The following SLC2A13 variants were observed in gnomAD, a reference collection of about 807,000 sequenced individuals.
SLC2A13 encodes proton myo-inositol cotransporter.
A neutral mutation model predicts 64.4 loss-of-function variants in SLC2A13; 32 were observed. That is an observed-to-expected ratio of 0.50 (90% confidence interval 0.37 to 0.67). The LOEUF (loss-of-function observed/expected upper bound fraction) is 0.67, where lower values mean the gene tolerates loss of function less well. SLC2A13 is among the 30% of genes least tolerant of loss of function. The probability of loss-of-function intolerance (pLI) is 0.00; values close to 1 mark genes in which losing one functional copy is unlikely to be tolerated. For missense variants in SLC2A13, 743 were observed against 829.2 expected (o/e 0.90, Z 1.28); for synonymous variants, 338 against 327.1 (o/e 1.03, Z -0.36).
At chr12:39,877,061 C>T (rs937522311) in intron 4 of SLC2A13, among the ~76,000 whole-genome samples, 4 of 152,002 alleles carry the variant, frequency 2.6e-5, no homozygotes, top group African/African-American at 9.7e-5. Flanking sequence ...ATTTAGAATG[C>T]CATTACATTA....
chr12:39,895,351 T>A (rs10877743), intron 4 of SLC2A13, among the ~76,000 whole-genome samples: 5 of 150,746 alleles, frequency 3.3e-5, no homozygotes, highest in Admixed American at 1.3e-4. Context: ...TTAGCCGGGC[T>A]TGGTGGCAGG....
chr12:39,908,980 A>C (rs141107434), intron 4 of SLC2A13, among the ~76,000 whole-genome samples: 1,790 of 151,058 alleles, frequency 0.012, 22 homozygotes, highest in Middle Eastern at 0.027. Context: ...AAAATTAATA[A>C]GCATAAAGAA....
In SLC2A13 at chr12:39,755,332, T is replaced by C. The variant is rs759905921; in HGVS notation, c.*4694A>G. ...GACATCTGAAGTATTAAATACTATA[T>C]AACATGCACTCAGAAATTAAAATAT... On this transcript the variant is annotated 3_prime_UTR_variant, in exon 10 of 10. Coordinates refer to ENST00000280871, the MANE Select transcript of SLC2A13 (RefSeq NM_052885.4). 1 of 152,072 alleles carries C rather than the reference T, an allele frequency of 6.6e-6. No homozygotes were observed. The highest frequency in any genetic ancestry group is 2.4e-5 in the African/African-American group (1 of 41,436). 9.4% of individuals were successfully genotyped at this position (152,072 alleles called of 1,614,324 possible).
chr12:39,823,703 C>G (rs981305112), intron 7 of SLC2A13, among the ~76,000 whole-genome samples: 1 of 152,148 alleles, frequency 6.6e-6, no homozygotes, highest in Non-Finnish European at 1.5e-5. Flanking sequence ...CCTGCTTTCA[C>G]CTCTCGAGTA....
intron 6 of SLC2A13, among the ~76,000 whole-genome samples, chr12:39,834,555 A>AAACT (rs1283157757): frequency 2.0e-5 from 3 of 152,014 alleles, no homozygotes; most frequent in Non-Finnish European, 4.4e-5. Flanking sequence ...AAAGCATGAA[A>AAACT]AACTATTCCT....
At chr12:39,956,128 T>C (rs574884656) in intron 3 of SLC2A13, among the ~76,000 whole-genome samples, 4 of 152,296 alleles carry the variant, frequency 2.6e-5, no homozygotes, top group Admixed American at 1.3e-4. Context: ...GCATCTTCAA[T>C]GCAACAGACA....
rs1939284900 is a variant in SLC2A13 at position 40,105,620 on chromosome 12, G to T, written c.189C>A (p.Asp63Glu). ...ACTGCCGCCGCGCCGCGCGCTCCAG[G>T]TCCCCGACGCCGCCGCCGCCCGCGC... ...SAGAGGGGVG[D>E]LERAARRQFQ... The change falls in exon 1 of 10, where the codon GAC becomes GAA. Residue 63 changes from aspartate to glutamate, a missense_variant. Coordinates refer to ENST00000280871, the MANE Select transcript of SLC2A13 (RefSeq NM_052885.4). This position sits in a 1 kb window ranked among gnomAD's most constrained non-coding sequence, Gnocchi z 4.2. 2 of 1,498,410 alleles carry T rather than the reference G, an allele frequency of 1.3e-6. No individual in the cohort carries two copies. Among genetic ancestry groups the T allele is most frequent in the Admixed American group, 2.4e-5 (1 of 41,794 alleles). 92.8% of individuals were successfully genotyped at this position (1,498,410 alleles called of 1,614,324 possible).
At chr12:39,869,976 A>G (rs1000590559) in intron 5 of SLC2A13, among the ~76,000 whole-genome samples, 1 of 152,208 alleles carries the variant, frequency 6.6e-6, no homozygotes, top group Non-Finnish European at 1.5e-5. Context: ...CCATTCACAA[A>G]TGAGAAAATA....
Position 40,028,153 on chromosome 12 carries a change from A to T in SLC2A13, c.925+148T>A, listed in dbSNP as rs1947848367. ...CAATAATACATATATAATTTTATATATGGATATTTTTGTATAAATATAAAT... is the reference window on the plus strand; with the variant it reads ...CAATAATACATATATAATTTTATATTTGGATATTTTTGTATAAATATAAAT... On this transcript the variant is annotated intron_variant, in intron 3 of 9. Transcript: ENST00000280871. 1.3e-5 allele frequency: 5 copies of T among 393,172 alleles called. No homozygotes were observed. In the South Asian group the frequency reaches 5.5e-4, roughly 43 times the overall value. The allele number at this position is 393,172 out of a possible 1,614,324, so 24.4% of individuals were successfully genotyped here. A position where few individuals can be genotyped will look rare whatever the true frequency, so the allele number is the denominator to read the frequency against.
intron 1 of SLC2A13, among the ~76,000 whole-genome samples, chr12:40,089,355 G>A (rs1938687379): frequency 6.6e-6 from 1 of 152,162 alleles, no homozygotes; most frequent in South Asian, 2.1e-4. Flanking sequence ...AACATCTACT[G>A]AACTCTCATA....
chr12:40,036,230 AATTC>A (rs1947981795), intron 2 of SLC2A13, among the ~76,000 whole-genome samples: 1 of 152,206 alleles, frequency 6.6e-6, no homozygotes, highest in Non-Finnish European at 1.5e-5. Context: ...ATTAGAAAAA[AATTC>A]TGGCAGAAAC....
chr12:39,848,451 T>C (rs564336703), intron 6 of SLC2A13, among the ~76,000 whole-genome samples: 62 of 152,140 alleles, frequency 4.1e-4, no homozygotes, highest in Non-Finnish European at 6.5e-4. Context: ...ATTAGAGAAA[T>C]GCAAATCAAA....
At position 39,764,311 on chromosome 12, in the gene SLC2A13, G is replaced by A. The variant is rs560040166; in HGVS notation, c.1720+149C>T. The A allele has an allele frequency of 9.5e-4, 618 of 649,014 alleles. 7 individuals carry two copies. The highest frequency in any genetic ancestry group is 5.8e-3 in the Middle Eastern group (13 of 2,248). 40.2% of individuals were successfully genotyped at this position (649,014 alleles called of 1,614,324 possible). On this transcript the variant is annotated intron_variant, in intron 9 of 9. Transcript: ENST00000280871. ...TCTCTTCTTTCCCAGACACATTTCC[G>A]ATGCCTTTGGAGGACAAGAAAGCCA...
chr12:40,077,861 T>C lies in SLC2A13; in HGVS notation c.556+27392A>G, dbSNP rs1025811967. 3.3e-5 allele frequency among the ~76,000 whole-genome samples: 5 copies of C among 152,150 alleles called. No homozygotes were observed. The South Asian group carries it at 1.0e-3, about 32-fold the overall frequency. ...TGTGGTAATTCTCATTGCACAGATA[T>C]TTCACTTCCCTGTATAGCTGTATTC... On this transcript the variant is annotated intron_variant, in intron 1 of 9. Transcript: ENST00000280871.
At chr12:39,994,171 C>T (rs1041794992) in intron 3 of SLC2A13, among the ~76,000 whole-genome samples, 4 of 151,956 alleles carry the variant, frequency 2.6e-5, no homozygotes, top group Admixed American at 2.6e-4. Flanking sequence ...GGACGGATCA[C>T]GAGGTCAGGA....
intron 3 of SLC2A13, among the ~76,000 whole-genome samples, chr12:39,981,422 C>T (rs1946894061): frequency 6.6e-6 from 1 of 151,822 alleles, no homozygotes; most frequent in Non-Finnish European, 1.5e-5. Flanking sequence ...AATTGATAGA[C>T]CGCTAGCAAG....
intron 4 of SLC2A13, among the ~76,000 whole-genome samples, chr12:39,895,884 G>A (rs62647583): frequency 0.48 from 2,572 of 5,402 alleles, 1,024 homozygotes; most frequent in Middle Eastern, 0.75. Context: ...ATATGTATAT[G>A]CGTGTATATG....
chr12:39,760,867 A>G (rs1333517339), intron 9 of SLC2A13, among the ~76,000 whole-genome samples: 1 of 150,302 alleles, frequency 6.7e-6, no homozygotes, highest in Non-Finnish European at 1.5e-5. Flanking sequence ...TGACTTGTTT[A>G]TATTCTCTAC....
intron 4 of SLC2A13, among the ~76,000 whole-genome samples, chr12:39,897,036 C>G (rs1220137491): frequency 6.6e-6 from 1 of 152,078 alleles, no homozygotes; most frequent in Non-Finnish European, 1.5e-5. Context: ...CAAGTTCTAA[C>G]CCTTAGTTCA....
Sources: allele counts gnomAD v4.1 joint callset (sites outside exome capture counted in the v4.1 genomes callset), GRCh38; gene constraint gnomAD v4.1.1; non-coding constraint Gnocchi (gnomAD v3.1); transcripts MANE v1.5; gene names NCBI Gene and HGNC (gene_info 2026-07-23, HGNC 2026-07-21).